Variants in GRIN3B observed in about 807,000 individuals in gnomAD.
GRIN3B encodes the protein glutamate ionotropic receptor NMDA type subunit 3B, also known as glutamate receptor ionotropic, NMDA 3B.
In GRIN3B, 77 loss-of-function variants were observed where a neutral mutation model predicts 66.0. That is an observed-to-expected ratio of 1.17 (90% CI 0.97 to 1.41). The LOEUF (loss-of-function observed/expected upper bound fraction) is 1.41. GRIN3B is among the 40% of genes most tolerant of loss of function. The pLI, the probability that GRIN3B is intolerant of heterozygous loss-of-function variation, is 0.00. For synonymous variants in GRIN3B, 823 were observed against 749.7 expected (o/e 1.10, Z -1.60); for missense variants, 1,787 against 1,564.5 (o/e 1.14, Z -2.40).
chr19:1,009,319 CG>C lies in GRIN3B; in HGVS notation c.2851del (p.Glu951ArgfsTer134), dbSNP rs1465280693. ...GTGGTTGTGGCACCCGAAGCGGACG[CG>C]GAGGCGGAGGCTGCGCCGCGAGAGG... Reference protein sequence around the residue: ...PAVVVAPEADAEAEAAPREGP... With the variant: ...PAVVVAPEADXEAEAAPREGP... On this transcript the variant is annotated frameshift_variant, in exon 9 of 9. Transcript: ENST00000234389. LOFTEE classifies it low-confidence loss of function (END_TRUNC). 1.4e-6 allele frequency: 2 copies of C among 1,401,014 alleles called. No homozygotes were observed. The highest frequency in any genetic ancestry group is 3.1e-5 in the African/African-American group (2 of 65,538). 86.8% of individuals were successfully genotyped at this position (1,401,014 alleles called of 1,614,324 possible).
rs1249656228 is a variant in GRIN3B at position 1,004,917 on chromosome 19, G to A, written c.1416G>A (p.Leu472=). 1 of 1,611,904 alleles carries A rather than the reference G, an allele frequency of 6.2e-7. No homozygotes were observed. The part of the protein sequence containing the change: ...ALANGSAPRA[L]RKCCYGYCID... ...CCAACGGCTCAGCGCCCCGTGCCCT[G>A]CGCAAGTGCTGCTACGGCTACTGCA... Residue 472 remains leucine, a synonymous_variant, in exon 3 of 9, where the codon CTG becomes CTA. Transcript: ENST00000234389.
At position 1,002,485 on chromosome 19, in the gene GRIN3B, T is replaced by A. The variant is rs1447813637; in HGVS notation, c.427-645T>A. ...CATCTCAAAAAAAAAAAAAAAAAAA[T>A]CCAGGAGAACTTTCTGGATGGCACT... On this transcript the variant is annotated intron_variant, in intron 1 of 8. Transcript: ENST00000234389. The A allele has an allele frequency of 4.8e-3, 518 of 108,238 alleles. 1 individual carries two copies. The highest frequency in any genetic ancestry group is 6.0e-3 in the Non-Finnish European group (321 of 53,722). 6.7% of individuals were successfully genotyped at this position (108,238 alleles called of 1,614,324 possible). A position where few individuals can be genotyped will look rare whatever the true frequency, so the allele number is the denominator to read the frequency against.
At position 1,004,507 on chromosome 19, in the gene GRIN3B, C is replaced by G. The variant is rs748628608; in HGVS notation, c.1020-14C>G. 5.1e-6 allele frequency: 8 copies of G among 1,564,628 alleles called. 1 individual carries two copies. Among genetic ancestry groups the G allele is most frequent in the Middle Eastern group, 3.4e-4 (2 of 5,890 alleles). Reference sequence around the variant, plus strand: ...GAACTTCGACACCTGACACCCCCCCCGCCCTGCCCCTAGGTTCCTGGCCAA... The same window carrying G: ...GAACTTCGACACCTGACACCCCCCCGGCCCTGCCCCTAGGTTCCTGGCCAA... On this transcript the variant is annotated splice_polypyrimidine_tract_variant and intron_variant, in intron 2 of 8. Transcript: ENST00000234389.
Position 1,003,386 on chromosome 19 carries a change from G to C in GRIN3B, c.683G>C (p.Gly228Ala). 4 of 1,565,100 alleles carry C rather than the reference G, an allele frequency of 2.6e-6. No individual in the cohort carries two copies. Among genetic ancestry groups the C allele is most frequent in the Non-Finnish European group, 3.4e-6 (4 of 1,161,022 alleles). The change falls in exon 2 of 9, where the codon GGT (glycine) becomes GCT (alanine). Residue 228 changes from glycine (G) to alanine (A), a missense_variant. Physicochemically the swap from Gly to Ala is moderately conservative, Grantham distance 60 (BLOSUM62 0). Transcript: ENST00000234389. ...GCCCCGATGGCGGCGCCAGTGGGGG[G>C]TGAAGCACCGGTACCCGCGGCGGTC... ...RLAPMAAPVG[G>A]EAPVPAAVLL... is the part of the protein sequence containing the mutation.
rs962133899 is a variant in GRIN3B at position 1,006,679 on chromosome 19, T to A, written c.2053-949T>A. On this transcript the variant is annotated intron_variant, in intron 3 of 8. Transcript: ENST00000234389. ...CTGAACTTTTGGATCTGCCCAGTGG[T>A]GTCCCCTGGGGGTGCCTGGCCTGCT... Among the ~76,000 whole-genome samples, 4 of 152,184 alleles carry A rather than the reference T, an allele frequency of 2.6e-5. No homozygotes were observed. In the East Asian group the frequency reaches 7.7e-4, roughly 29 times the overall value.
rs772782721 is a variant in GRIN3B at position 1,007,856 on chromosome 19, G to A, written c.2199G>A (p.Thr733=). 4 of 1,607,552 alleles carry A rather than the reference G, an allele frequency of 2.5e-6. No homozygotes were observed. Among genetic ancestry groups the A allele is most frequent in the Admixed American group, 3.3e-5 (2 of 59,758 alleles). ...PTTPRGVAML[T]SDPPKLNAFI... ...TGACCCCCGCCCCCGGCCCCAGCAG[G>A]AGCGACCCCCCCAAGCTCAACGCCT... The change falls in exon 5 of 9, where the codon ACG becomes ACA. Residue 733 remains threonine, a splice_region_variant and synonymous_variant. Coordinates refer to ENST00000234389, the MANE Select transcript of GRIN3B (RefSeq NM_138690.3). This position sits in a 1 kb window ranked among gnomAD's most constrained non-coding sequence, Gnocchi z 4.4.
intron 8 of GRIN3B, 115 bp downstream of exon 8, chr19:1,009,042 C>A: frequency 6.8e-7 from 1 of 1,462,694 alleles, no homozygotes; most frequent in South Asian, 1.3e-5. Context: ...CCCCGCCCAC[C>A]CCCGGACGTG....
Position 1,008,765 on chromosome 19 carries a change from T to C in GRIN3B, c.2614T>C (p.Trp872Arg). 1 of 1,604,414 alleles carries C rather than the reference T, an allele frequency of 6.2e-7. No individual in the cohort carries two copies. The highest frequency in any genetic ancestry group is 8.5e-7 in the Non-Finnish European group (1 of 1,176,170). Residue 872 changes from tryptophan to arginine, a missense_variant, in exon 7 of 9, where the codon TGG becomes CGG. Physicochemically the swap from Trp to Arg is moderately radical, Grantham distance 101. Coordinates refer to ENST00000234389, the MANE Select transcript of GRIN3B (RefSeq NM_138690.3). ...CCGCAAGGGGAGCAGGCTGCAGTAC[T>C]GGCTGCACACCAGCCAGGTGGGGAG... ...RIRKGSRLQY[W>R]LHTSQKIHRA...
rs187831549 is a variant in GRIN3B at position 1,005,721 on chromosome 19, C to T, written c.2052+168C>T. Among the ~76,000 whole-genome samples, 6 of 152,232 alleles carry T rather than the reference C, an allele frequency of 3.9e-5. No individual in the cohort carries two copies. Among genetic ancestry groups the T allele is most frequent in the Admixed American group, 2.6e-4 (4 of 15,292 alleles). On this transcript the variant is annotated intron_variant, in intron 3 of 8. Coordinates refer to ENST00000234389, the MANE Select transcript of GRIN3B (RefSeq NM_138690.3). This position sits in a 1 kb window ranked among gnomAD's most constrained non-coding sequence, Gnocchi z 5.2. ...ATTTATTTATTTAAAGAAAAATAGC[C>T]GGGCGCGGTGGCTCACGCCTGTAAT...
chr19:1,007,309 G>C lies in GRIN3B; in HGVS notation c.2053-319G>C, dbSNP rs538452901. ...GCTCCCGTGGGACCCCCAGGGGAGA[G>C]GCAGAGGAGGTGGTGGGATAGGCGT... On this transcript the variant is annotated intron_variant, in intron 3 of 8. Transcript: ENST00000234389. The surrounding 1 kb of genome is among the most constrained non-coding windows in gnomAD (Gnocchi z 4.4). Among the ~76,000 whole-genome samples, 2 of 152,056 alleles carry C rather than the reference G, an allele frequency of 1.3e-5. No homozygotes were observed. The highest frequency in any genetic ancestry group is 2.9e-5 in the Non-Finnish European group (2 of 67,974).
chr19:1,000,819 C>T lies in GRIN3B; in HGVS notation c.382C>T (p.Leu128Phe). Residue 128 changes from leucine (L) to phenylalanine (F), a missense_variant, in exon 1 of 9, where the codon CTC (leucine) becomes TTC (phenylalanine). Transcript: ENST00000234389. The part of the protein sequence containing the change: ...FLAAATETPV[L>F]SLLRREARAP... ...GGCGGCGGCCACCGAGACCCCCGTG[C>T]TCAGCCTGCTGCGGCGGGAGGCGCG... The T allele has an allele frequency of 6.9e-7, 1 of 1,449,554 alleles. No individual in the cohort carries two copies. Among genetic ancestry groups the T allele is most frequent in the East Asian group, 3.0e-5 (1 of 33,020 alleles). The allele number at this position is 1,449,554 out of a possible 1,614,324, so 89.8% of individuals were successfully genotyped here.
At position 1,005,620 on chromosome 19, in the gene GRIN3B, G is replaced by A. The variant is rs2038741053; in HGVS notation, c.2052+67G>A. On this transcript the variant is annotated intron_variant, in intron 3 of 8. Coordinates refer to ENST00000234389, the MANE Select transcript of GRIN3B (RefSeq NM_138690.3). The surrounding 1 kb of genome is among the most constrained non-coding windows in gnomAD (Gnocchi z 5.2). Reference sequence around the variant, plus strand: ...GCGGTGGCCCCGGGCTGGGCTGTGTGGGGCAGGGGTGGTCAGCTGGACGTG... The same window carrying A: ...GCGGTGGCCCCGGGCTGGGCTGTGTAGGGCAGGGGTGGTCAGCTGGACGTG... 3.0e-6 allele frequency: 4 copies of A among 1,311,814 alleles called. No individual in the cohort carries two copies. The highest frequency in any genetic ancestry group is 2.1e-6 in the Non-Finnish European group (2 of 972,240). 81.3% of individuals were successfully genotyped at this position (1,311,814 alleles called of 1,614,324 possible).
intron 2 of GRIN3B, among the ~76,000 whole-genome samples, chr19:1,004,122 G>T (rs899104103): frequency 1.3e-5 from 2 of 152,194 alleles, no homozygotes; most frequent in Non-Finnish European, 2.9e-5. Flanking sequence ...AGATGTCTTA[G>T]GTCCCCGGAA....
Position 1,008,912 on chromosome 19 carries a change from C to G in GRIN3B, c.2687C>G (p.Ala896Gly). Residue 896 changes from alanine to glycine, a missense_variant, in exon 8 of 9, where the codon GCA becomes GGA. By Grantham distance (60) the Ala-to-Gly change is moderately conservative. Coordinates refer to ENST00000234389, the MANE Select transcript of GRIN3B (RefSeq NM_138690.3). ...CCAGAGGGGTCGAAGGAGGAGACGG[C>G]AGAGGCGGAGCCCAGGTAAGTGGTG... ...EPPEGSKEET[A>G]EAEPSGPEVE... 1 of 1,608,942 alleles carries G rather than the reference C, an allele frequency of 6.2e-7. No homozygotes were observed. Among genetic ancestry groups the G allele is most frequent in the African/African-American group, 1.3e-5 (1 of 74,916 alleles).
In GRIN3B at chr19:1,003,695, C is replaced by A; in HGVS notation, c.992C>A (p.Pro331His). Residue 331 changes from proline (P) to histidine (H), a missense_variant, in exon 2 of 9, where the codon CCC becomes CAC. Physicochemically the swap from Pro to His is moderately conservative, Grantham distance 77. Coordinates refer to ENST00000234389, the MANE Select transcript of GRIN3B (RefSeq NM_138690.3). ...VNCGDLQPAGPESPGRFLARF... is the reference protein window; with the variant it reads ...VNCGDLQPAGHESPGRFLARF... ...TGCGGGGACCTGCAGCCGGCCGGGC[C>A]CGAGTCCCCGGGGCGCTTCTTGGCA... The A allele has an allele frequency of 7.1e-7, 1 of 1,406,326 alleles. No homozygotes were observed. Among genetic ancestry groups the A allele is most frequent in the South Asian group, 1.5e-5 (1 of 65,046 alleles). 87.1% of individuals were successfully genotyped at this position (1,406,326 alleles called of 1,614,324 possible). A position where few individuals can be genotyped will look rare whatever the true frequency, so the allele number is the denominator to read the frequency against.
rs1568389706 is a variant in GRIN3B, at chr19:1,003,367, A to G, written c.664A>G (p.Met222Val). ...AGGACTGCGGGCACGCCTGGCCCCG[A>G]TGGCGGCGCCAGTGGGGGGTGAAGC... ...DAGLRARLAP[M>V]AAPVGGEAPV... The change falls in exon 2 of 9, where the codon ATG becomes GTG. Residue 222 changes from methionine to valine, a missense_variant. Coordinates refer to ENST00000234389, the MANE Select transcript of GRIN3B (RefSeq NM_138690.3). The G allele has an allele frequency of 3.2e-6, 5 of 1,573,496 alleles. No individual in the cohort carries two copies. In the East Asian group the frequency reaches 6.9e-5, roughly 22 times the overall value.
chr19:1,000,833 G>T lies in GRIN3B; in HGVS notation c.396G>T (p.Arg132=). The T allele has an allele frequency of 7.0e-7, 1 of 1,438,360 alleles. No homozygotes were observed. 89.1% of individuals were successfully genotyped at this position (1,438,360 alleles called of 1,614,324 possible). ...ATETPVLSLL[R]REARAPLGAP... Reference sequence around the variant, plus strand: ...AGACCCCCGTGCTCAGCCTGCTGCGGCGGGAGGCGCGCGCGCCCCTCGGAG... The same window carrying T: ...AGACCCCCGTGCTCAGCCTGCTGCGTCGGGAGGCGCGCGCGCCCCTCGGAG... The change falls in exon 1 of 9, where the codon CGG becomes CGT. Residue 132 remains arginine (R), a synonymous_variant. Coordinates refer to ENST00000234389, the MANE Select transcript of GRIN3B (RefSeq NM_138690.3).
Position 1,009,630 on chromosome 19 carries a change from G to A in GRIN3B, c.*28G>A. 1 of 1,396,302 alleles carries A rather than the reference G, an allele frequency of 7.2e-7. No individual in the cohort carries two copies. 86.5% of individuals were successfully genotyped at this position (1,396,302 alleles called of 1,614,324 possible). A position where few individuals can be genotyped will look rare whatever the true frequency, so the allele number is the denominator to read the frequency against. On this transcript the variant is annotated 3_prime_UTR_variant, in exon 9 of 9. Transcript: ENST00000234389. ...CGGCAGCCGGGCCGTTTGGGCTCAA[G>A]ACACACACACAGCGCAGTGAGCCGC...
In GRIN3B at chr19:1,005,530, C is replaced by T; in HGVS notation, c.2029C>T (p.Leu677=). 2 of 1,608,122 alleles carry T rather than the reference C, an allele frequency of 1.2e-6. No homozygotes were observed. Among genetic ancestry groups the T allele is most frequent in the Non-Finnish European group, 1.7e-6 (2 of 1,176,814 alleles). ...GGTCGGGGACAAGACCTTCGAGGAG[C>T]TGTCGGGGATCCACGACCCCAAGGT... ...VMVGDKTFEE[L]SGIHDPKLHH... The change falls in exon 3 of 9, where the codon CTG becomes TTG. Residue 677 remains leucine, a synonymous_variant. Transcript: ENST00000234389. The surrounding 1 kb of genome is among the most constrained non-coding windows in gnomAD (Gnocchi z 5.2).
Sources: allele counts gnomAD v4.1 joint callset (sites outside exome capture counted in the v4.1 genomes callset), GRCh38; gene constraint gnomAD v4.1.1; non-coding constraint Gnocchi (gnomAD v3.1); transcripts MANE v1.5; gene names NCBI Gene and HGNC (gene_info 2026-07-23, HGNC 2026-07-21).